The following RADIL variants were observed in gnomAD, a reference collection of about 807,000 sequenced individuals.
RADIL encodes the protein Rap associating with DIL domain.
In RADIL, 99 loss-of-function variants were observed where a neutral mutation model predicts 97.6. The ratio of observed to expected loss-of-function variants is 1.01; its 90% CI spans 0.86 to 1.20. RADIL has a LOEUF of 1.20. Ranked by LOEUF, RADIL falls within the 50% of genes most tolerant of loss-of-function variation. The pLI is 0.00. For synonymous variants in RADIL, 803 were observed against 691.8 expected (o/e 1.16, Z -2.52); for missense variants, 1,765 against 1,498.9 (o/e 1.18, Z -2.93).
intron 2 of RADIL, among the ~76,000 whole-genome samples, chr7:4,875,394 A>G (rs1019910883): frequency 1.5e-4 from 21 of 143,662 alleles, no homozygotes; most frequent in African/African-American, 5.7e-4. Context: ...CTCCATCTCA[A>G]AAAAAAAAAA....
chr7:4,834,180 C>A lies in RADIL; in HGVS notation c.1416+427G>T, dbSNP rs1425071575. ...CTCAACCGGCCCCTGGCAGCAAGCA[C>A]AGGGCGCCGGCACACACAGGGGCTT... On this transcript the variant is annotated intron_variant, in intron 4 of 14. Transcript: ENST00000399583. This position sits in a 1 kb window ranked among gnomAD's most constrained non-coding sequence, Gnocchi z 6.0. 6.6e-6 allele frequency among the ~76,000 whole-genome samples: 1 copy of A among 152,182 alleles called. No individual in the cohort carries two copies. The highest frequency in any genetic ancestry group is 2.4e-5 in the African/African-American group (1 of 41,446).
intron 9 of RADIL, among the ~76,000 whole-genome samples, chr7:4,810,151 C>G (rs1045622958): frequency 1.3e-5 from 2 of 151,222 alleles, no homozygotes; most frequent in African/African-American, 4.9e-5. Context: ...CCATGCCCGG[C>G]CTTATTTATT....
In RADIL at chr7:4,818,147, C is replaced by A. The variant is rs1325303973; in HGVS notation, c.1616-796G>T. Among the ~76,000 whole-genome samples the A allele has an allele frequency of 6.6e-6, 1 of 152,050 alleles. No individual in the cohort carries two copies. Among genetic ancestry groups the A allele is most frequent in the Non-Finnish European group, 1.5e-5 (1 of 68,040 alleles). ...CGGCCACAGCTCCCCTCCTCTCCCT[C>A]CTGTGGGGCCTTCTTCCAGGAGGGG... On this transcript the variant is annotated intron_variant, in intron 6 of 14. Coordinates refer to ENST00000399583, the MANE Select transcript of RADIL (RefSeq NM_018059.5). This position sits in a 1 kb window ranked among gnomAD's most constrained non-coding sequence, Gnocchi z 7.1.
Position 4,836,981 on chromosome 7 carries a change from G to C in RADIL, c.536-376C>G, listed in dbSNP as rs547585461. Among the ~76,000 whole-genome samples, 11 of 152,132 alleles carry C rather than the reference G, an allele frequency of 7.2e-5. No homozygotes were observed. The East Asian group carries it at 1.9e-3, about 27-fold the overall frequency. On this transcript the variant is annotated intron_variant, in intron 2 of 14. Coordinates refer to ENST00000399583, the MANE Select transcript of RADIL (RefSeq NM_018059.5). ...TAAGTCTAATAGCGCCCATGTCCCGGGTCCTTCTGAGTTCAAATCCCACTA... is the reference window on the plus strand; with the variant it reads ...TAAGTCTAATAGCGCCCATGTCCCGCGTCCTTCTGAGTTCAAATCCCACTA...
rs1232092234 is a variant in RADIL, at chr7:4,840,292, A to G, written c.536-3687T>C. Among the ~76,000 whole-genome samples the G allele has an allele frequency of 6.6e-6, 1 of 152,080 alleles. No individual in the cohort carries two copies. The highest frequency in any genetic ancestry group is 1.5e-5 in the Non-Finnish European group (1 of 68,022). On this transcript the variant is annotated intron_variant, in intron 2 of 14. Transcript: ENST00000399583. The surrounding 1 kb of genome is among the most constrained non-coding windows in gnomAD (Gnocchi z 5.6). ...ACAGCTTCGTCACCTGAGTCACCTG[A>G]GCGTCTCAGCTCTGTGCAGACCCAG...
In RADIL at chr7:4,800,150, C is replaced by G. The variant is rs3816855; in HGVS notation, c.2982+21G>C. The G allele has an allele frequency of 5.0e-6, 8 of 1,594,324 alleles. No homozygotes were observed. In the African/African-American group the frequency reaches 5.4e-5, roughly 11 times the overall value. On this transcript the variant is annotated intron_variant, in intron 13 of 14. Transcript: ENST00000399583. ...CCAGGCAGCCAGTATGGGGGTGCGG[C>G]GAGGGTCCTGGGCCACTCACCATCC...
At chr7:4,871,046 C>T (rs1784241467) in intron 2 of RADIL, among the ~76,000 whole-genome samples, 1 of 152,200 alleles carries the variant, frequency 6.6e-6, no homozygotes, top group Non-Finnish European at 1.5e-5. Flanking sequence ...ATTGGAAATG[C>T]TCAAACACGT....
At position 4,799,243 on chromosome 7, in the gene RADIL, G is replaced by T. The variant is rs374857889; in HGVS notation, c.*135C>A. On this transcript the variant is annotated 3_prime_UTR_variant, in exon 15 of 15. Coordinates refer to ENST00000399583, the MANE Select transcript of RADIL (RefSeq NM_018059.5). ...ACACTGAGATGCATGTTATCAACAG[G>T]CATGTCCCCAGGGTGAGGCTCCCCA... 1.2e-4 allele frequency: 81 copies of T among 689,116 alleles called. 1 individual carries two copies. The African/African-American group carries it at 1.3e-3, about 11-fold the overall frequency. The allele number at this position is 689,116 out of a possible 1,614,324, so 42.7% of individuals were successfully genotyped here. A position where few individuals can be genotyped will look rare whatever the true frequency, so the allele number is the denominator to read the frequency against.
Position 4,816,520 on chromosome 7 carries a change from G to T in RADIL, c.1729-55C>A. ...AGCATTTCCAGGAGCGCTGGCGGCC[G>T]AACGGGGGGCCTGACCCAGCGAGCT... On this transcript the variant is annotated intron_variant, in intron 7 of 14. Coordinates refer to ENST00000399583, the MANE Select transcript of RADIL (RefSeq NM_018059.5). The T allele has an allele frequency of 2.7e-6, 4 of 1,465,638 alleles. No individual in the cohort carries two copies. In the South Asian group the frequency reaches 4.8e-5, roughly 17 times the overall value. 90.8% of individuals were successfully genotyped at this position (1,465,638 alleles called of 1,614,324 possible).
Position 4,839,023 on chromosome 7 carries a change from C to G in RADIL, c.536-2418G>C, listed in dbSNP as rs76290047. 1.7e-3 allele frequency among the ~76,000 whole-genome samples: 256 copies of G among 152,370 alleles called. 1 individual carries two copies. Among genetic ancestry groups the G allele is most frequent in the African/African-American group, 5.7e-3 (237 of 41,594 alleles). On this transcript the variant is annotated intron_variant, in intron 2 of 14. Coordinates refer to ENST00000399583, the MANE Select transcript of RADIL (RefSeq NM_018059.5). ...GCCCAGAACCCACCCAATCACCCCC[C>G]ACAGGGAGCCGCCATGCACGGGAGG...
chr7:4,831,587 A>G (rs1783141234), intron 5 of RADIL, among the ~76,000 whole-genome samples: 1 of 151,066 alleles, frequency 6.6e-6, no homozygotes, highest in African/African-American at 2.4e-5. Context: ...CAAAAAAAAA[A>G]AAAAAAAAAA....
At position 4,822,433 on chromosome 7, in the gene RADIL, G is replaced by A. The variant is rs368006169; in HGVS notation, c.1576C>T (p.Leu526Phe). ...LLYFIQQKCP[L>F]YMQSMEEQLD... ...TGCTCCTCCATGCTCTGCATGTAGA[G>A]TGGGCATTTCTGCTGGATAAAGTAC... The change falls in exon 6 of 15, where the codon CTC becomes TTC. Residue 526 changes from leucine (L) to phenylalanine (F), a missense_variant. By Grantham distance (22) the Leu-to-Phe change is conservative. Coordinates refer to ENST00000399583, the MANE Select transcript of RADIL (RefSeq NM_018059.5). The surrounding 1 kb of genome is among the most constrained non-coding windows in gnomAD (Gnocchi z 5.3). 7 of 1,612,854 alleles carry A rather than the reference G, an allele frequency of 4.3e-6. No homozygotes were observed. Among genetic ancestry groups the A allele is most frequent in the Non-Finnish European group, 5.9e-6 (7 of 1,179,966 alleles).
Position 4,842,997 on chromosome 7 carries a change from G to A in RADIL, c.536-6392C>T, listed in dbSNP as rs1245546665. Among the ~76,000 whole-genome samples the A allele has an allele frequency of 7.3e-5, 11 of 150,164 alleles. No individual in the cohort carries two copies. Among genetic ancestry groups the A allele is most frequent in the African/African-American group, 2.7e-4 (11 of 40,528 alleles). The stretch of plus-strand genomic sequence containing the variant: ...AGGTGCGCACCCCCATGCCCGGCAA[G>A]AGACAATTTTTTTTTTTTTTTTTTT... On this transcript the variant is annotated intron_variant, in intron 2 of 14. Transcript: ENST00000399583. This position sits in a 1 kb window ranked among gnomAD's most constrained non-coding sequence, Gnocchi z 4.5.
intron 9 of RADIL, chr7:4,809,524 G>A: frequency 4.1e-6 from 4 of 985,414 alleles, no homozygotes; most frequent in Non-Finnish European, 4.8e-6. Context: ...AACGTGGGCG[G>A]CGGCTGCTCG....
chr7:4,863,298 T>C (rs543366785), intron 2 of RADIL, among the ~76,000 whole-genome samples: 1 of 152,376 alleles, frequency 6.6e-6, no homozygotes, highest in African/African-American at 2.4e-5. Context: ...ACCTTTTATT[T>C]CTTTAAACGT....
At chr7:4,859,862 T>G in intron 2 of RADIL, 1 of 1,436,580 alleles carries the variant, frequency 7.0e-7, no homozygotes, top group Non-Finnish European at 9.6e-7. Flanking sequence ...TGGTCCTTTC[T>G]TCTTTATGAG....
intron 2 of RADIL, chr7:4,861,536 T>A (rs1341302117): frequency 6.2e-7 from 1 of 1,614,094 alleles, no homozygotes. Flanking sequence ...TCCAACGTTT[T>A]CAATTACAGA....
chr7:4,809,530 G>C (rs778531371), intron 9 of RADIL: 16 of 985,400 alleles, frequency 1.6e-5, no homozygotes, highest in Non-Finnish European at 1.9e-5. Flanking sequence ...GGCGGCGGCT[G>C]CTCGGGAGCC....
At position 4,816,450 on chromosome 7, in the gene RADIL, G is replaced by T. The variant is rs770165770; in HGVS notation, c.1744C>A (p.Leu582Ile). ...YYVSKSLYIC[L>I]PALLECPPFQ... The stretch of plus-strand genomic sequence containing the variant: ...GGCGGGCACTCCAGGAGTGCCGGGA[G>T]GCAGATGTACAGGGACTGGCGGGGG... The change falls in exon 8 of 15, where the codon CTC (leucine) becomes ATC (isoleucine). Residue 582 changes from leucine to isoleucine, a missense_variant. Physicochemically the swap from Leu to Ile is conservative, Grantham distance 5. Coordinates refer to ENST00000399583, the MANE Select transcript of RADIL (RefSeq NM_018059.5). The T allele has an allele frequency of 6.2e-7, 1 of 1,607,758 alleles. No homozygotes were observed. The highest frequency in any genetic ancestry group is 8.5e-7 in the Non-Finnish European group (1 of 1,177,798).
Sources: gnomAD v4.1 joint callset for allele counts (sites outside exome capture counted in the v4.1 genomes callset) on GRCh38, gnomAD v4.1.1 for gene constraint, Gnocchi (gnomAD v3.1) non-coding constraint, MANE v1.5 for transcripts, NCBI Gene and HGNC (gene_info 2026-07-23, HGNC 2026-07-21) for gene names.